SPARCL1: variants seen among roughly 807,000 people sequenced by gnomAD.
SPARCL1 encodes the protein SPARC like 1.
Under a neutral mutation model 67.1 loss-of-function variants are expected in SPARCL1, and 52 were observed. The observed-to-expected ratio is 0.78, with a 90% CI of 0.62 to 0.98. SPARCL1 has a LOEUF of 0.98. Ranked by LOEUF, SPARCL1 falls within the 50% of genes least tolerant of loss-of-function variation. SPARCL1 has a pLI of 0.00. For synonymous variants in SPARCL1, 226 were observed against 267.8 expected (o/e 0.84, Z 1.52); for missense variants, 717 against 782.4 (o/e 0.92, Z 1.00).
At chr4:87,503,602 T>C (rs981391485) in intron 1 of SPARCL1, among the ~76,000 whole-genome samples, 6 of 152,102 alleles carry the variant, frequency 3.9e-5, no homozygotes, top group Non-Finnish European at 8.8e-5. Flanking sequence ...ATCATCATCA[T>C]TTTTAGTGTG....
chr4:87,491,756 C>T (rs1276216791), intron 4 of SPARCL1, 66 bp from the exon 5 acceptor site: 1 of 1,088,016 alleles, frequency 9.2e-7, no homozygotes, highest in East Asian at 2.4e-5. Context: ...ATTTATATTT[C>T]CACTGTGCAT....
At position 87,494,554 on chromosome 4, in the gene SPARCL1, T is replaced by C. The variant is rs768535453; in HGVS notation, c.246A>G (p.Glu82=). 6.2e-7 allele frequency: 1 copy of C among 1,612,128 alleles called. No homozygotes were observed. The highest frequency in any genetic ancestry group is 1.1e-5 in the South Asian group (1 of 90,630). ...SVLKSKEESH[E]QSAEQGKSSS... ...AACTCTTGCCCTGTTCTGCTGACTG[T>C]TCATGGCTTTCCTCTTTTGACTTTA... Residue 82 remains glutamate, a synonymous_variant, in exon 4 of 11, where the codon GAA becomes GAG. Coordinates refer to ENST00000282470, the MANE Select transcript of SPARCL1 (RefSeq NM_004684.6).
chr4:87,508,890 T>TATATATA (rs1725230593), intron 1 of SPARCL1, among the ~76,000 whole-genome samples: 1 of 27,130 alleles, frequency 3.7e-5, no homozygotes, highest in Non-Finnish European at 5.9e-5. Context: ...TGTATATAAG[T>TATATATA]ATATATATAT....
Position 87,490,740 on chromosome 4 carries a change from C to T in SPARCL1, c.1410+20G>A. The T allele has an allele frequency of 6.8e-7, 1 of 1,465,004 alleles. No homozygotes were observed. Among genetic ancestry groups the T allele is most frequent in the Non-Finnish European group, 9.4e-7 (1 of 1,065,798 alleles). The allele number at this position is 1,465,004 out of a possible 1,614,324, so 90.8% of individuals were successfully genotyped here. On this transcript the variant is annotated intron_variant, in intron 6 of 10. Transcript: ENST00000282470. Reference sequence around the variant, plus strand: ...CTAACCTTTTGGAGCCACTTAAAGACTATTTTGCAGAATACTTACTTGATC... The same window carrying T: ...CTAACCTTTTGGAGCCACTTAAAGATTATTTTGCAGAATACTTACTTGATC...
chr4:87,483,807 G>T (rs1441533297), intron 7 of SPARCL1, among the ~76,000 whole-genome samples: 1 of 152,102 alleles, frequency 6.6e-6, no homozygotes, highest in African/African-American at 2.4e-5. Flanking sequence ...TCTCATTGTG[G>T]TTTTGATTTG....
chr4:87,494,466 C>A lies in SPARCL1; in HGVS notation c.334G>T (p.Glu112Ter), dbSNP rs139303766. ...DSDGHLSVNLEYAPTEGTLDI... is the reference protein window; with the variant it reads ...DSDGHLSVNL ...AATGTACCTTCAGTTGGTGCATACT[C>A]CAAATTCACACTTAAGTGACCATCA... is the stretch of plus-strand genomic sequence containing the variant. The change falls in exon 4 of 11, where the codon GAG (glutamate) becomes TAG (stop). Residue 112 changes from glutamate to a stop codon, truncating the protein, a stop_gained. Coordinates refer to ENST00000282470, the MANE Select transcript of SPARCL1 (RefSeq NM_004684.6). LOFTEE classifies it high-confidence loss of function. 81 of 1,613,998 alleles carry A rather than the reference C, an allele frequency of 5.0e-5. No individual in the cohort carries two copies. The highest frequency in any genetic ancestry group is 6.8e-5 in the Non-Finnish European group (80 of 1,180,028).
In SPARCL1 at chr4:87,473,733, CAG is replaced by C. The variant is rs1723441872; in HGVS notation, c.*40_*41del. The C allele has an allele frequency of 6.6e-7, 1 of 1,512,766 alleles. No homozygotes were observed. The highest frequency in any genetic ancestry group is 9.2e-7 in the Non-Finnish European group (1 of 1,092,844). The allele number at this position is 1,512,766 out of a possible 1,614,324, so 93.7% of individuals were successfully genotyped here. On this transcript the variant is annotated 3_prime_UTR_variant, in exon 11 of 11. Transcript: ENST00000282470. Reference sequence around the variant, plus strand: ...GCATATATTTCTGAAGTGGTTAGAACAGAGGAGGATGCTGGAAAGTTGAGTTC... The same window carrying C: ...GCATATATTTCTGAAGTGGTTAGAACAGGAGGATGCTGGAAAGTTGAGTTC...
intron 1 of SPARCL1, among the ~76,000 whole-genome samples, chr4:87,506,621 A>G (rs537380408): frequency 7.2e-4 from 109 of 152,260 alleles, no homozygotes; most frequent in African/African-American, 2.4e-3. Context: ...AGGCCTTCAG[A>G]CTTGGACTAG....
rs751086689 is a variant in SPARCL1, at chr4:87,490,314, T to C, written c.1490A>G (p.Lys497Arg). The change falls in exon 7 of 11, where the codon AAG (lysine) becomes AGG (arginine). Residue 497 changes from lysine (K) to arginine (R), a missense_variant. Lys to Arg is a conservative substitution (Grantham distance 26). Coordinates refer to ENST00000282470, the MANE Select transcript of SPARCL1 (RefSeq NM_004684.6). ...ATKCRLEGTKKGHQLQLDYFG... is the reference protein window; with the variant it reads ...ATKCRLEGTKRGHQLQLDYFG... ...ATAATCCAGCTGGAGTTGATGCCCC[T>C]TTTTGGTCCCCTCCAGTCTGCATTT... 2 of 1,611,890 alleles carry C rather than the reference T, an allele frequency of 1.2e-6. No individual in the cohort carries two copies. Among genetic ancestry groups the C allele is most frequent in the South Asian group, 2.2e-5 (2 of 90,692 alleles).
chr4:87,510,757 A>T (rs551878214), intron 1 of SPARCL1, among the ~76,000 whole-genome samples: 1 of 152,376 alleles, frequency 6.6e-6, no homozygotes, highest in East Asian at 1.9e-4. Context: ...AGGCGGTCGC[A>T]CTGGCCCTTT....
rs201416922 is a variant in SPARCL1, at chr4:87,479,608, T to C, written c.1818-30A>G. 1,117 of 1,608,444 alleles carry C rather than the reference T, an allele frequency of 6.9e-4. 19 individuals carry two copies. The South Asian group carries it at 0.012, about 17-fold the overall frequency. On this transcript the variant is annotated intron_variant, in intron 9 of 10. Coordinates refer to ENST00000282470, the MANE Select transcript of SPARCL1 (RefSeq NM_004684.6). ...AATGAAATACATGGCATCCTATTAATTGAGTAGCTTGTGCATGAAGATTTA... is the reference window on the plus strand; with the variant it reads ...AATGAAATACATGGCATCCTATTAACTGAGTAGCTTGTGCATGAAGATTTA...
intron 1 of SPARCL1, among the ~76,000 whole-genome samples, chr4:87,500,165 T>C (rs2110236564): frequency 6.6e-6 from 1 of 152,302 alleles, no homozygotes; most frequent in East Asian, 1.9e-4. Context: ...AAAATCCAAA[T>C]TTCCAGTTTC....
rs57597004 is a variant in SPARCL1 at position 87,486,888 on chromosome 4, C to CTTTTTTTTTTTTTTTTTTTTTTTTTTTTT, written c.1531+3356_1531+3384dup. On this transcript the variant is annotated intron_variant, in intron 7 of 10. Coordinates refer to ENST00000282470, the MANE Select transcript of SPARCL1 (RefSeq NM_004684.6). ...TCTGAGGCTAGTATTGCAATTCCTG[C>CTTTTTTTTTTTTTTTTTTTTTTTTTTTTT]TTTTTTTTTTTTTTTTTTTTTTTTT... 2.9e-4 allele frequency among the ~76,000 whole-genome samples: 8 copies of CTTTTTTTTTTTTTTTTTTTTTTTTTTTTT among 28,000 alleles called. 2 individuals carry two copies. The highest frequency in any genetic ancestry group is 5.3e-4 in the African/African-American group (4 of 7,618). 18.4% of individuals were successfully genotyped at this position (28,000 alleles called of 152,430 possible).
At chr4:87,507,867 G>A (rs767454637) in intron 1 of SPARCL1, among the ~76,000 whole-genome samples, 14 of 152,156 alleles carry the variant, frequency 9.2e-5, no homozygotes, top group Non-Finnish European at 1.5e-4. Context: ...TAATTTGCTA[G>A]AGTGCATCAC....
intron 1 of SPARCL1, among the ~76,000 whole-genome samples, chr4:87,503,300 C>T (rs1287726765): frequency 2.0e-5 from 3 of 152,216 alleles, no homozygotes; most frequent in Admixed American, 2.0e-4. Context: ...TGCATGGGTT[C>T]TTCAGTGTGA....
At chr4:87,511,982 T>TTTTTTTG (rs1725381279) in intron 1 of SPARCL1, among the ~76,000 whole-genome samples, 2 of 149,806 alleles carry the variant, frequency 1.3e-5, no homozygotes, top group Non-Finnish European at 1.5e-5. Flanking sequence ...TTTTTTTTTT[T>TTTTTTTG]GAGACAGAGT....
rs1447556537 is a variant in SPARCL1 at position 87,473,520 on chromosome 4, A to C, written c.*255T>G. ...ATAAGTCAATGCAGAGAGTGAAATT[A>C]CTATGAATTAAACTTCTGTTCACAA... On this transcript the variant is annotated 3_prime_UTR_variant, in exon 11 of 11. Coordinates refer to ENST00000282470, the MANE Select transcript of SPARCL1 (RefSeq NM_004684.6). 3.0e-6 allele frequency: 1 copy of C among 336,388 alleles called. No homozygotes were observed. Among genetic ancestry groups the C allele is most frequent in the Non-Finnish European group, 5.4e-6 (1 of 186,498 alleles). 20.8% of individuals were successfully genotyped at this position (336,388 alleles called of 1,614,324 possible).
chr4:87,490,178 G>T, intron 7 of SPARCL1, 95 bp downstream of exon 7: 1 of 1,334,620 alleles, frequency 7.5e-7, no homozygotes, highest in Admixed American at 2.7e-5. Flanking sequence ...AACTACATCA[G>T]CTTTTCCCTG....
intron 1 of SPARCL1, among the ~76,000 whole-genome samples, chr4:87,506,143 C>T (rs1725063354): frequency 6.6e-6 from 1 of 152,144 alleles, no homozygotes; most frequent in Non-Finnish European, 1.5e-5. Flanking sequence ...CAAAATCGCC[C>T]TGATTGAGAA....
Sources: allele counts gnomAD v4.1 joint callset (sites outside exome capture counted in the v4.1 genomes callset), GRCh38; gene constraint gnomAD v4.1.1; transcripts MANE v1.5; gene names NCBI Gene and HGNC (gene_info 2026-07-23, HGNC 2026-07-21).